TMX4: variants seen among roughly 807,000 people sequenced by gnomAD.
The protein encoded by TMX4 is thioredoxin-related transmembrane protein 4.
Under a neutral mutation model 33.3 loss-of-function variants are expected in TMX4, and 23 were observed. The observed-to-expected ratio is 0.69, with a 90% CI of 0.50 to 0.98. The LOEUF (loss-of-function observed/expected upper bound fraction) is 0.98, where lower values mean the gene tolerates loss of function less well. Among genes scored for constraint, TMX4 ranks in the 50% least tolerant of loss-of-function variants. TMX4 has a pLI of 0.00. For missense variants in TMX4, 399 were observed against 448.9 expected (o/e 0.89, Z 1.01); for synonymous variants, 164 against 161.5 (o/e 1.02, Z -0.12).
At chr20:8,013,324 A>G (rs1410153999) in intron 1 of TMX4, among the ~76,000 whole-genome samples, 2 of 152,192 alleles carry the variant, frequency 1.3e-5, no homozygotes, top group African/African-American at 4.8e-5. Flanking sequence ...AGAGCCTCCA[A>G]GAGCAATTAG....
intron 2 of TMX4, among the ~76,000 whole-genome samples, chr20:8,005,722 A>G (rs1397696434): frequency 1.3e-5 from 2 of 152,116 alleles, no homozygotes; most frequent in Non-Finnish European, 2.9e-5. Context: ...GGACATTGAG[A>G]GGAGCACACC....
At chr20:7,998,860 A>T (rs541671918) in intron 4 of TMX4, among the ~76,000 whole-genome samples, 1 of 152,276 alleles carries the variant, frequency 6.6e-6, no homozygotes, top group South Asian at 2.1e-4. Flanking sequence ...CCCCAGAGCT[A>T]TCCCATCTTT....
intron 1 of TMX4, among the ~76,000 whole-genome samples, chr20:8,013,591 T>C (rs1265274530): frequency 2.0e-5 from 3 of 152,222 alleles, no homozygotes; most frequent in Non-Finnish European, 4.4e-5. Context: ...GTTTTTGTTG[T>C]CCATGTTGTC....
At chr20:8,000,031 A>G (rs932303) in intron 3 of TMX4, among the ~76,000 whole-genome samples, 171 bp from the exon 4 acceptor site, 2,078 of 152,320 alleles carry the variant, frequency 0.014, 55 homozygotes, top group East Asian at 0.065. Flanking sequence ...AAGCTTTACT[A>G]TAAGTGAGAA....
chr20:7,984,481 G>A (rs559446952), intron 6 of TMX4, among the ~76,000 whole-genome samples: 1 of 152,142 alleles, frequency 6.6e-6, no homozygotes, highest in South Asian at 2.1e-4. Context: ...AGAACAATAA[G>A]CTCTAAGCCA....
chr20:8,000,944 T>G (rs1036877930), intron 3 of TMX4, among the ~76,000 whole-genome samples: 8 of 152,200 alleles, frequency 5.3e-5, no homozygotes, highest in African/African-American at 1.9e-4. Context: ...CATGGCCTGT[T>G]GGTAGTCATC....
chr20:7,996,647 A>G (rs979531220), intron 4 of TMX4, among the ~76,000 whole-genome samples: 2 of 152,048 alleles, frequency 1.3e-5, no homozygotes, highest in Non-Finnish European at 2.9e-5. Context: ...CTCTTATCAC[A>G]GTCCAATTCC....
intron 1 of TMX4, chr20:8,019,203 G>T (rs6055462): frequency 1.9e-6 from 1 of 522,740 alleles, no homozygotes; most frequent in Non-Finnish European, 3.3e-6. Flanking sequence ...GCGAGCGGCC[G>T]GGCCCCACAG....
chr20:7,984,581 T>C (rs1600139454), intron 6 of TMX4, among the ~76,000 whole-genome samples: 2 of 152,238 alleles, frequency 1.3e-5, no homozygotes, highest in Non-Finnish European at 2.9e-5. Context: ...GTGATAGTTA[T>C]ATGCTTACTG....
chr20:7,985,447 T>A (rs2050627325), intron 6 of TMX4, among the ~76,000 whole-genome samples: 1 of 151,404 alleles, frequency 6.6e-6, no homozygotes, highest in South Asian at 2.1e-4. Flanking sequence ...CTAATTTTTG[T>A]ATTTTTGTAG....
At chr20:7,988,703 T>C (rs1052521210) in intron 5 of TMX4, among the ~76,000 whole-genome samples, 1 of 152,170 alleles carries the variant, frequency 6.6e-6, no homozygotes, top group Admixed American at 6.5e-5. Flanking sequence ...TGGTCATCAG[T>C]GTGTGTTTAG....
chr20:7,982,222 T>A lies in TMX4; in HGVS notation c.*29A>T. On this transcript the variant is annotated 3_prime_UTR_variant, in exon 8 of 8. Transcript: ENST00000246024. ...AAGGGAAGCTGACATATTGTTTTGG[T>A]GTGTATTCTTGAAAACGCATCATTA... 6.3e-7 allele frequency: 1 copy of A among 1,594,606 alleles called. No individual in the cohort carries two copies. Among genetic ancestry groups the A allele is most frequent in the Non-Finnish European group, 8.6e-7 (1 of 1,169,324 alleles).
chr20:7,982,081 A>T lies in TMX4; in HGVS notation c.*170T>A, dbSNP rs901970913. On this transcript the variant is annotated 3_prime_UTR_variant, in exon 8 of 8. Coordinates refer to ENST00000246024, the MANE Select transcript of TMX4 (RefSeq NM_021156.4). ...ATATCCTGATTGTCACACCTGGAAG[A>T]CTCTCCTTAGTATACATGAGGCTTA... The T allele has an allele frequency of 3.1e-6, 2 of 647,674 alleles. No individual in the cohort carries two copies. The highest frequency in any genetic ancestry group is 5.2e-6 in the Non-Finnish European group (2 of 384,894). 40.1% of individuals were successfully genotyped at this position (647,674 alleles called of 1,614,324 possible). A position where few individuals can be genotyped will look rare whatever the true frequency, so the allele number is the denominator to read the frequency against.
At position 7,981,331 on chromosome 20, in the gene TMX4, C is replaced by G. The variant is rs1369700897; in HGVS notation, c.*920G>C. 4 of 152,110 alleles carry G rather than the reference C, an allele frequency of 2.6e-5. No homozygotes were observed. Among genetic ancestry groups the G allele is most frequent in the Non-Finnish European group, 5.9e-5 (4 of 68,034 alleles). 9.4% of individuals were successfully genotyped at this position (152,110 alleles called of 1,614,324 possible). On this transcript the variant is annotated 3_prime_UTR_variant, in exon 8 of 8. Transcript: ENST00000246024. ...ATTCAACTTTTCTTCACAAGACTAC[C>G]TTGTACTGGCAAGACTTAGAGGACT...
intron 6 of TMX4, among the ~76,000 whole-genome samples, chr20:7,986,560 T>A (rs990242361): frequency 2.6e-5 from 4 of 152,170 alleles, no homozygotes; most frequent in African/African-American, 9.7e-5. Flanking sequence ...ATATAAAGGT[T>A]TTTAAAAACT....
At chr20:8,008,420 G>A (rs1380040984) in intron 2 of TMX4, among the ~76,000 whole-genome samples, 1 of 151,970 alleles carries the variant, frequency 6.6e-6, no homozygotes, top group African/African-American at 2.4e-5. Context: ...AACATTGAAT[G>A]TATTAAAAAT....
intron 6 of TMX4, among the ~76,000 whole-genome samples, chr20:7,985,014 G>A (rs2050624634): frequency 6.6e-6 from 1 of 151,988 alleles, no homozygotes; most frequent in Non-Finnish European, 1.5e-5. Context: ...GAAAACAATT[G>A]ACAAACACTT....
chr20:8,009,083 A>C (rs1279430321), intron 2 of TMX4, among the ~76,000 whole-genome samples: 1 of 152,152 alleles, frequency 6.6e-6, no homozygotes, highest in East Asian at 1.9e-4. Flanking sequence ...AAAGGATGAA[A>C]GGATGCAGTA....
In TMX4 at chr20:7,979,123, T is replaced by G. The variant is rs2050593734; in HGVS notation, c.*3128A>C. On this transcript the variant is annotated 3_prime_UTR_variant, in exon 8 of 8. Coordinates refer to ENST00000246024, the MANE Select transcript of TMX4 (RefSeq NM_021156.4). ...AATCAAAATCATGTTTCCATGCACT[T>G]GAGTTCCGGATCAAATATATTATCT... The G allele has an allele frequency of 6.6e-6, 1 of 152,158 alleles. No individual in the cohort carries two copies. Among genetic ancestry groups the G allele is most frequent in the Non-Finnish European group, 1.5e-5 (1 of 68,034 alleles). 9.4% of individuals were successfully genotyped at this position (152,158 alleles called of 1,614,324 possible). A position where few individuals can be genotyped will look rare whatever the true frequency, so the allele number is the denominator to read the frequency against.
Sources: gnomAD v4.1 joint callset for allele counts (sites outside exome capture counted in the v4.1 genomes callset) on GRCh38, gnomAD v4.1.1 for gene constraint, MANE v1.5 for transcripts, NCBI Gene and HGNC (gene_info 2026-07-23, HGNC 2026-07-21) for gene names.